Variants in SLC24A4 observed in about 807,000 individuals in gnomAD.
SLC24A4 encodes solute carrier family 24 member 4.
In SLC24A4, 53 loss-of-function variants were observed where a neutral mutation model predicts 79.0. The ratio of observed to expected loss-of-function variants is 0.67; its 90% CI spans 0.54 to 0.84. SLC24A4 has a LOEUF of 0.84. Ranked by LOEUF, SLC24A4 falls within the 40% of genes least tolerant of loss-of-function variation. The pLI is 0.00. For missense variants in SLC24A4, 731 were observed against 822.0 expected (o/e 0.89, Z 1.35); for synonymous variants, 323 against 323.8 (o/e 1.00, Z 0.03).
At chr14:92,343,642 C>CCTTCCTTCCTTCCTTCCTTCCT in intron 2 of SLC24A4, among the ~76,000 whole-genome samples, 1 of 46,388 alleles carries the variant, frequency 2.2e-5, no homozygotes, top group East Asian at 6.7e-4. Context: ...CTTTCTTTCT[C>CCTTCCTTCCTTCCTTCCTTCCT]TCTTTCCTTC....
At position 92,490,512 on chromosome 14, in the gene SLC24A4, C is replaced by A. The variant is rs531804743; in HGVS notation, c.1538-1153C>A. On this transcript the variant is annotated intron_variant, in intron 14 of 16. Transcript: ENST00000532405. The surrounding 1 kb of genome is among the most constrained non-coding windows in gnomAD (Gnocchi z 4.3). ...TCAGAAACTACCAGAGCATACAATC[C>A]GATATCCTGTGATTCCCAGGCAGGG... 6.6e-6 allele frequency among the ~76,000 whole-genome samples: 1 copy of A among 152,296 alleles called. No individual in the cohort carries two copies. The highest frequency in any genetic ancestry group is 2.4e-5 in the African/African-American group (1 of 41,576).
intron 2 of SLC24A4, among the ~76,000 whole-genome samples, chr14:92,345,969 G>A (rs1224664566): frequency 6.6e-6 from 1 of 152,186 alleles, no homozygotes; most frequent in Non-Finnish European, 1.5e-5. Context: ...GATAGTGACT[G>A]GGATGGGCTT....
chr14:92,424,551 G>C (rs919318202), intron 2 of SLC24A4, among the ~76,000 whole-genome samples: 1 of 151,584 alleles, frequency 6.6e-6, no homozygotes, highest in East Asian at 1.9e-4. Context: ...AGCGGGAGAA[G>C]AGAGATGCTC....
intron 13 of SLC24A4, chr14:92,483,798 T>C (rs1469841061): frequency 7.8e-7 from 1 of 1,289,902 alleles, no homozygotes; most frequent in Non-Finnish European, 1.0e-6. Flanking sequence ...TCTCAGCCCC[T>C]TACACCCTAG....
At chr14:92,404,392 T>G (rs964677118) in intron 2 of SLC24A4, among the ~76,000 whole-genome samples, 1 of 152,236 alleles carries the variant, frequency 6.6e-6, no homozygotes, top group African/African-American at 2.4e-5. Context: ...CAAACTCCTC[T>G]TTGTGACTAA....
chr14:92,492,559 G>A (rs1895742184), intron 16 of SLC24A4, among the ~76,000 whole-genome samples: 3 of 152,126 alleles, frequency 2.0e-5, no homozygotes, highest in Admixed American at 2.0e-4. Context: ...CTGACAAATG[G>A]GAGGCATGAC....
chr14:92,489,753 C>T (rs546844111), intron 14 of SLC24A4, among the ~76,000 whole-genome samples: 1 of 152,270 alleles, frequency 6.6e-6, no homozygotes, highest in East Asian at 1.9e-4. Context: ...CACACAGCTG[C>T]CGGCAGCCCC....
At position 92,323,559 on chromosome 14, in the gene SLC24A4, G is replaced by T. The variant is rs1210196791; in HGVS notation, c.-272G>T. ...GCGAGCCCGGGCCGCCAGCGCCACC[G>T]TGCCGGCGTCGCCTCCTCGCCACGG... On this transcript the variant is annotated 5_prime_UTR_variant, in exon 1 of 17. Coordinates refer to ENST00000532405, the MANE Select transcript of SLC24A4 (RefSeq NM_153646.4). The surrounding 1 kb of genome is among the most constrained non-coding windows in gnomAD (Gnocchi z 4.9). 1.5e-5 allele frequency: 4 copies of T among 263,506 alleles called. No individual in the cohort carries two copies. Among genetic ancestry groups the T allele is most frequent in the African/African-American group, 2.2e-5 (1 of 44,646 alleles). 16.3% of individuals were successfully genotyped at this position (263,506 alleles called of 1,614,324 possible).
In SLC24A4 at chr14:92,456,432, G is replaced by A. The variant is rs1205807449; in HGVS notation, c.1079G>A (p.Gly360Asp). Reference protein sequence around the residue: ...ERQRLINSANGVSSKPLQNGR... With the variant: ...ERQRLINSANDVSSKPLQNGR... ...CAGAGACTGATCAACTCGGCCAATG[G>A]TGTGAGCAGTAAGCCGCTTCAAAAC... The change falls in exon 12 of 17, where the codon GGT becomes GAT. Residue 360 changes from glycine to aspartate, a missense_variant. Physicochemically the swap from Gly to Asp is moderately conservative, Grantham distance 94. Coordinates refer to ENST00000532405, the MANE Select transcript of SLC24A4 (RefSeq NM_153646.4). 5 of 1,614,236 alleles carry A rather than the reference G, an allele frequency of 3.1e-6. No individual in the cohort carries two copies. Among genetic ancestry groups the A allele is most frequent in the Admixed American group, 3.3e-5 (2 of 60,032 alleles).
rs1260590186 is a variant in SLC24A4 at position 92,441,533 on chromosome 14, A to G, written c.394-556A>G. Among the ~76,000 whole-genome samples, 1 of 152,212 alleles carries G rather than the reference A, an allele frequency of 6.6e-6. No homozygotes were observed. Among genetic ancestry groups the G allele is most frequent in the Non-Finnish European group, 1.5e-5 (1 of 68,030 alleles). ...AGAGGCCTCCAGATCCACAATGCTG[A>G]CATTCTCATTGAGGCCCCCAGTACC... On this transcript the variant is annotated intron_variant, in intron 4 of 16. Transcript: ENST00000532405. This position sits in a 1 kb window ranked among gnomAD's most constrained non-coding sequence, Gnocchi z 4.6.
intron 2 of SLC24A4, among the ~76,000 whole-genome samples, chr14:92,414,023 A>G (rs563058274): frequency 1.3e-4 from 20 of 152,266 alleles, no homozygotes; most frequent in African/African-American, 4.3e-4. Flanking sequence ...TTGACAGCAT[A>G]TGGACCAGTA....
At chr14:92,362,447 G>A (rs74844070) in intron 2 of SLC24A4, among the ~76,000 whole-genome samples, 4,519 of 152,252 alleles carry the variant, frequency 0.03, 98 homozygotes, top group Non-Finnish European at 0.047. Context: ...TCTCCAGTGG[G>A]CTGGGAGCTG....
rs1886981494 is a variant in SLC24A4, at chr14:92,353,100, C to G, written c.241+27122C>G. ...CTCCTATCTCTGTCCCACAGCTGCC[C>G]AAACCCCCTCCTCAAAGGCAACCCT... On this transcript the variant is annotated intron_variant, in intron 2 of 16. Coordinates refer to ENST00000532405, the MANE Select transcript of SLC24A4 (RefSeq NM_153646.4). This position sits in a 1 kb window ranked among gnomAD's most constrained non-coding sequence, Gnocchi z 4.1. Among the ~76,000 whole-genome samples, 1 of 152,164 alleles carries G rather than the reference C, an allele frequency of 6.6e-6. No homozygotes were observed. The highest frequency in any genetic ancestry group is 2.4e-5 in the African/African-American group (1 of 41,432).
At chr14:92,322,815 C>A (rs1884865911), upstream of SLC24A4, among the ~76,000 whole-genome samples, 3 of 151,180 alleles carry the variant, frequency 2.0e-5, no homozygotes, top group South Asian at 2.1e-4. Flanking sequence ...GGGTGTGTGG[C>A]GGGGCCTCGG....
intron 2 of SLC24A4, among the ~76,000 whole-genome samples, chr14:92,351,236 GCA>G (rs1555360939): frequency 0.037 from 5,482 of 146,632 alleles, 124 homozygotes; most frequent in Non-Finnish European, 0.057. Context: ...ACACATACAC[GCA>G]CACACACACA....
chr14:92,407,033 A>G (rs1890425984), intron 2 of SLC24A4, among the ~76,000 whole-genome samples: 1 of 152,194 alleles, frequency 6.6e-6, no homozygotes, highest in Non-Finnish European at 1.5e-5. Flanking sequence ...ATATGACTGT[A>G]TGCTCTTAGG....
intron 2 of SLC24A4, among the ~76,000 whole-genome samples, chr14:92,389,363 A>T (rs1368749435): frequency 6.6e-6 from 1 of 152,174 alleles, no homozygotes; most frequent in Non-Finnish European, 1.5e-5. Context: ...ACTGAGGCTC[A>T]TTGACATTTC....
intron 12 of SLC24A4, among the ~76,000 whole-genome samples, chr14:92,474,325 G>C (rs1894593168): frequency 1.3e-5 from 2 of 152,116 alleles, no homozygotes; most frequent in South Asian, 2.1e-4. Flanking sequence ...CAGGGGCGGG[G>C]CTGGGAGCTC....
At chr14:92,478,178 A>G (rs1471891420) in intron 12 of SLC24A4, among the ~76,000 whole-genome samples, 2 of 152,232 alleles carry the variant, frequency 1.3e-5, no homozygotes, top group Non-Finnish European at 2.9e-5. Flanking sequence ...TAATTTACTT[A>G]TTCTTTTGTT....
Sources: gnomAD v4.1 joint callset for allele counts (sites outside exome capture counted in the v4.1 genomes callset) on GRCh38, gnomAD v4.1.1 for gene constraint, Gnocchi (gnomAD v3.1) non-coding constraint, MANE v1.5 for transcripts, NCBI Gene and HGNC (gene_info 2026-07-23, HGNC 2026-07-21) for gene names.